The following PPM1L variants were observed in gnomAD, a reference collection of about 807,000 sequenced individuals.
PPM1L encodes the protein protein phosphatase, Mg2+/Mn2+ dependent 1L, also known as protein phosphatase 1L.
Under a neutral mutation model 31.4 loss-of-function variants are expected in PPM1L, and 13 were observed. The ratio of observed to expected loss-of-function variants is 0.41; its 90% CI spans 0.27 to 0.66. The LOEUF (loss-of-function observed/expected upper bound fraction) is 0.66, where lower values mean the gene tolerates loss of function less well. Among genes scored for constraint, PPM1L ranks in the 30% least tolerant of loss-of-function variants. PPM1L has a pLI of 0.29. For missense variants in PPM1L, 326 were observed against 453.7 expected (o/e 0.72, Z 2.56); for synonymous variants, 184 against 175.4 (o/e 1.05, Z -0.39).
Position 160,904,648 on chromosome 3 carries a change from G to A in PPM1L, c.400-57088G>A, listed in dbSNP as rs1488071169. Among the ~76,000 whole-genome samples the A allele has an allele frequency of 2.6e-5, 4 of 151,880 alleles. No individual in the cohort carries two copies. The East Asian group carries it at 5.8e-4, about 22-fold the overall frequency. On this transcript the variant is annotated intron_variant, in intron 1 of 3. Coordinates refer to ENST00000498165, the MANE Select transcript of PPM1L (RefSeq NM_139245.4). ...TATCAGTGCTACATTATTGATAGCT[G>A]CACTTATAACTAGATCTTCTATCAT... is the stretch of plus-strand genomic sequence containing the variant.
chr3:160,868,635 A>T (rs1013083800), intron 1 of PPM1L, among the ~76,000 whole-genome samples: 1 of 151,548 alleles, frequency 6.6e-6, no homozygotes. Context: ...AGGAATAGGG[A>T]TCTACTTATT....
At chr3:160,896,505 G>A (rs1421570189) in intron 1 of PPM1L, among the ~76,000 whole-genome samples, 2 of 151,796 alleles carry the variant, frequency 1.3e-5, no homozygotes, top group Non-Finnish European at 2.9e-5. Context: ...ACTTACTCAC[G>A]GCAAACCAAC....
At chr3:160,938,540 A>G (rs1015483190) in intron 1 of PPM1L, among the ~76,000 whole-genome samples, 13 of 152,242 alleles carry the variant, frequency 8.5e-5, no homozygotes, top group African/African-American at 2.9e-4. Context: ...CAGATTATAT[A>G]GGCTTTGCAG....
At chr3:160,925,491 C>T (rs1188634134) in intron 1 of PPM1L, among the ~76,000 whole-genome samples, 1 of 152,038 alleles carries the variant, frequency 6.6e-6, no homozygotes, top group African/African-American at 2.4e-5. Flanking sequence ...AATTTAGAGT[C>T]TTGGATTTTT....
chr3:160,761,654 AT>A (rs1165744564), intron 1 of PPM1L, among the ~76,000 whole-genome samples: 6 of 151,976 alleles, frequency 3.9e-5, no homozygotes, highest in Non-Finnish European at 4.4e-5. Flanking sequence ...CCTACACTCA[AT>A]TTTCCTTTAT....
intron 1 of PPM1L, among the ~76,000 whole-genome samples, chr3:160,811,887 A>C (rs1712819182): frequency 6.6e-6 from 1 of 152,196 alleles, no homozygotes; most frequent in Admixed American, 6.5e-5. Context: ...AAACGTTGCA[A>C]CAGGCTTGTG....
rs960335664 is a variant in PPM1L at position 160,889,715 on chromosome 3, G to A, written c.400-72021G>A. Among the ~76,000 whole-genome samples the A allele has an allele frequency of 3.9e-5, 6 of 152,132 alleles. 1 individual carries two copies. The highest frequency in any genetic ancestry group is 2.1e-4 in the South Asian group (1 of 4,820). ...CACACGCAAAAAAACAAAACTTCAGGCTAGTGTCTCTGATGAACATCGATG... is the reference window on the plus strand; with the variant it reads ...CACACGCAAAAAAACAAAACTTCAGACTAGTGTCTCTGATGAACATCGATG... On this transcript the variant is annotated intron_variant, in intron 1 of 3. Transcript: ENST00000498165.
rs571774018 is a variant in PPM1L at position 161,010,476 on chromosome 3, A to G, written c.574+48566A>G. Among the ~76,000 whole-genome samples, 3 of 152,332 alleles carry G rather than the reference A, an allele frequency of 2.0e-5. No homozygotes were observed. The East Asian group carries it at 5.8e-4, about 29-fold the overall frequency. On this transcript the variant is annotated intron_variant, in intron 2 of 3. Coordinates refer to ENST00000498165, the MANE Select transcript of PPM1L (RefSeq NM_139245.4). ...CTTTGCTATTGTGAATAGTGCTGCA[A>G]TAAACATACGTGTCCATGTGTCTTT...
chr3:160,881,024 G>T (rs1712692852), intron 1 of PPM1L, among the ~76,000 whole-genome samples: 1 of 152,134 alleles, frequency 6.6e-6, no homozygotes, highest in African/African-American at 2.4e-5. Context: ...GTTTTAAATG[G>T]TTGTATGTGT....
intron 2 of PPM1L, among the ~76,000 whole-genome samples, chr3:160,972,772 C>A (rs952625439): frequency 6.6e-6 from 1 of 152,042 alleles, no homozygotes; most frequent in Non-Finnish European, 1.5e-5. Context: ...GAGGAATCGC[C>A]ACACTGACTT....
chr3:160,945,129 C>T lies in PPM1L; in HGVS notation c.400-16607C>T, dbSNP rs62280308. 1.0e-3 allele frequency among the ~76,000 whole-genome samples: 71 copies of T among 69,054 alleles called. 1 individual carries two copies. Among genetic ancestry groups the T allele is most frequent in the African/African-American group, 3.3e-3 (56 of 16,980 alleles). 45.3% of individuals were successfully genotyped at this position (69,054 alleles called of 152,430 possible). A position where few individuals can be genotyped will look rare whatever the true frequency, so the allele number is the denominator to read the frequency against. On this transcript the variant is annotated intron_variant, in intron 1 of 3. Transcript: ENST00000498165. ...ACATATATGTTATCTATCTATCTAT[C>T]TATCTATCTATCTATCTATCTATCT...
chr3:160,886,358 G>A (rs901819973), intron 1 of PPM1L, among the ~76,000 whole-genome samples: 1 of 152,224 alleles, frequency 6.6e-6, no homozygotes, highest in Non-Finnish European at 1.5e-5. Flanking sequence ...GGGACAAAGT[G>A]CTTCGTTAAA....
intron 1 of PPM1L, among the ~76,000 whole-genome samples, chr3:160,943,409 C>T (rs956084322): frequency 2.6e-5 from 4 of 152,208 alleles, no homozygotes; most frequent in Non-Finnish European, 4.4e-5. Context: ...GGGACATTCA[C>T]TTACGTGGAA....
At chr3:160,891,634 A>G (rs1322526243) in intron 1 of PPM1L, among the ~76,000 whole-genome samples, 1 of 152,186 alleles carries the variant, frequency 6.6e-6, no homozygotes, top group Non-Finnish European at 1.5e-5. Flanking sequence ...TGACCCAGCA[A>G]TCCCATTACT....
At chr3:161,019,084 A>T (rs746342390) in intron 2 of PPM1L, among the ~76,000 whole-genome samples, 9 of 152,210 alleles carry the variant, frequency 5.9e-5, no homozygotes, top group Non-Finnish European at 5.9e-5. Context: ...ACTAGAGGAT[A>T]AGATTATTTG....
At chr3:160,857,228 G>A (rs779231814) in intron 1 of PPM1L, among the ~76,000 whole-genome samples, 7 of 152,166 alleles carry the variant, frequency 4.6e-5, no homozygotes, top group Non-Finnish European at 5.9e-5. Flanking sequence ...AATTCTGACA[G>A]TGTGGGCTTT....
intron 2 of PPM1L, among the ~76,000 whole-genome samples, chr3:160,963,906 GATTGA>G (rs1716051871): frequency 1.3e-5 from 2 of 152,136 alleles, no homozygotes; most frequent in South Asian, 4.1e-4. Flanking sequence ...ATAAACACAA[GATTGA>G]GAGTTAGAGG....
chr3:161,044,086 G>T lies in PPM1L; in HGVS notation c.575-21317G>T, dbSNP rs1718986799. On this transcript the variant is annotated intron_variant, in intron 2 of 3. Coordinates refer to ENST00000498165, the MANE Select transcript of PPM1L (RefSeq NM_139245.4). ...ACGGAGTCTTGCTCTGTCACCCAGG[G>T]TAGAGTGCAGTGGTGCGATTTTGGT... Among the ~76,000 whole-genome samples the T allele has an allele frequency of 1.3e-5, 2 of 152,082 alleles. 1 individual carries two copies. Among genetic ancestry groups the T allele is most frequent in the African/African-American group, 4.8e-5 (2 of 41,422 alleles).
intron 1 of PPM1L, among the ~76,000 whole-genome samples, chr3:160,908,696 A>G (rs1284301473): frequency 1.3e-5 from 2 of 152,192 alleles, no homozygotes; most frequent in Admixed American, 6.5e-5. Context: ...TCCTTGCTCT[A>G]AAACAGTTTA....
Sources: gnomAD v4.1 joint callset for allele counts (sites outside exome capture counted in the v4.1 genomes callset) on GRCh38, gnomAD v4.1.1 for gene constraint, MANE v1.5 for transcripts, NCBI Gene and HGNC (gene_info 2026-07-23, HGNC 2026-07-21) for gene names.